The following ZC3H12C variants were observed in gnomAD, a reference collection of about 807,000 sequenced individuals.
The protein encoded by ZC3H12C is zinc finger CCCH-type containing 12C.
A neutral mutation model predicts 76.3 loss-of-function variants in ZC3H12C; 20 were observed. The ratio of observed to expected loss-of-function variants is 0.26; its 90% CI spans 0.18 to 0.38. The LOEUF is 0.38. Among genes scored for constraint, ZC3H12C ranks in the 10% least tolerant of loss-of-function variants. The pLI, the probability that ZC3H12C is intolerant of heterozygous loss-of-function variation, is 1.00. For synonymous variants in ZC3H12C, 352 were observed against 399.6 expected (o/e 0.88, Z 1.42); for missense variants, 874 against 1,086.5 (o/e 0.80, Z 2.75).
chr11:110,152,843 T>G, intron 2 of ZC3H12C, 76 bp from the exon 3 acceptor site: 1 of 1,500,132 alleles, frequency 6.7e-7, no homozygotes, highest in Non-Finnish European at 9.1e-7. Flanking sequence ...TGTAATACTT[T>G]CTGTTTATAA....
At chr11:110,124,947 G>C (rs1298502188) in intron 1 of ZC3H12C, among the ~76,000 whole-genome samples, 1 of 152,010 alleles carries the variant, frequency 6.6e-6, no homozygotes, top group African/African-American at 2.4e-5. Flanking sequence ...TTAGCCTAAG[G>C]GATGCTCATG....
chr11:110,119,551 G>A (rs1861616717), intron 1 of ZC3H12C, among the ~76,000 whole-genome samples: 1 of 152,138 alleles, frequency 6.6e-6, no homozygotes, highest in East Asian at 1.9e-4. Flanking sequence ...CCACCTTGCT[G>A]TTCCATGAGC....
chr11:110,165,762 TA>T lies in ZC3H12C; in HGVS notation c.*26del, dbSNP rs1862573563. The T allele has an allele frequency of 1.9e-6, 3 of 1,543,530 alleles. No homozygotes were observed. In the East Asian group the frequency reaches 7.2e-5, roughly 37 times the overall value. On this transcript the variant is annotated 3_prime_UTR_variant, in exon 6 of 6. Transcript: ENST00000278590. ...AAAGATGATGCATCTTTGTGGTGTT[TA>T]GTAGTTTTTTGTTCAGCTCAAATGC...
Position 110,124,255 on chromosome 11 carries a change from C to T in ZC3H12C, c.22-12408C>T, listed in dbSNP as rs142621933. On this transcript the variant is annotated intron_variant, in intron 1 of 5. Coordinates refer to ENST00000278590, the MANE Select transcript of ZC3H12C (RefSeq NM_033390.2). ...CAAGAACTTTGCCAATGGCCGAGGGCTCTGATAAACCCACCCTGTCACAGG... is the reference window on the plus strand; with the variant it reads ...CAAGAACTTTGCCAATGGCCGAGGGTTCTGATAAACCCACCCTGTCACAGG... The T allele has an allele frequency of 1.2e-3, 180 of 152,312 alleles. 1 individual carries two copies. The highest frequency in any genetic ancestry group is 4.3e-3 in the African/African-American group (177 of 41,568). 9.4% of individuals were successfully genotyped at this position (152,312 alleles called of 1,614,324 possible). A position where few individuals can be genotyped will look rare whatever the true frequency, so the allele number is the denominator to read the frequency against.
At chr11:110,151,289 C>G (rs966540871) in intron 2 of ZC3H12C, among the ~76,000 whole-genome samples, 1 of 152,062 alleles carries the variant, frequency 6.6e-6, no homozygotes, top group Non-Finnish European at 1.5e-5. Context: ...TGACAGTTAT[C>G]CTTACCAAAT....
chr11:110,100,703 C>T lies in ZC3H12C; in HGVS notation c.21+7271C>T, dbSNP rs1221164846. Among the ~76,000 whole-genome samples the T allele has an allele frequency of 3.3e-5, 5 of 152,110 alleles. No individual in the cohort carries two copies. The East Asian group carries it at 9.6e-4, about 29-fold the overall frequency. The stretch of plus-strand genomic sequence containing the variant: ...CAATAGAAGATGGTAAACAATCAAG[C>T]AGTGTTGTGTGTGTTCTGAGTGCTC... On this transcript the variant is annotated intron_variant, in intron 1 of 5. Coordinates refer to ENST00000278590, the MANE Select transcript of ZC3H12C (RefSeq NM_033390.2).
intron 2 of ZC3H12C, among the ~76,000 whole-genome samples, chr11:110,140,359 T>C (rs1862047251): frequency 6.6e-6 from 1 of 152,222 alleles, no homozygotes; most frequent in Non-Finnish European, 1.5e-5. Context: ...TAGTCCCCTT[T>C]GGTACCTAAA....
Position 110,164,444 on chromosome 11 carries a change from T to TA in ZC3H12C, c.1360dup (p.Thr454AsnfsTer20). On this transcript the variant is annotated frameshift_variant, in exon 6 of 6. Coordinates refer to ENST00000278590, the MANE Select transcript of ZC3H12C (RefSeq NM_033390.2). LOFTEE classifies it high-confidence loss of function. This position sits in a 1 kb window ranked among gnomAD's most constrained non-coding sequence, Gnocchi z 5.7. ...ATGAACTCCGTGCCATGTCTAGAAATACGGCAGCCAAAACTGCAAACGAAG... is the reference window on the plus strand; with the variant it reads ...ATGAACTCCGTGCCATGTCTAGAAATAACGGCAGCCAAAACTGCAAACGAAG... The TA allele has an allele frequency of 6.2e-7, 1 of 1,613,974 alleles. No individual in the cohort carries two copies. The highest frequency in any genetic ancestry group is 8.5e-7 in the Non-Finnish European group (1 of 1,179,886).
rs868759376 is a variant in ZC3H12C, at chr11:110,108,320, A to G, written c.21+14888A>G. Among the ~76,000 whole-genome samples the G allele has an allele frequency of 2.0e-5, 3 of 152,234 alleles. No individual in the cohort carries two copies. In the South Asian group the frequency reaches 6.2e-4, roughly 32 times the overall value. On this transcript the variant is annotated intron_variant, in intron 1 of 5. Coordinates refer to ENST00000278590, the MANE Select transcript of ZC3H12C (RefSeq NM_033390.2). ...ACCTGGCTCCTTAGATATCTTTGCA[A>G]GAGCACTGTTTGAAAGCTCCTGCTC...
chr11:110,110,055 T>C (rs989280085), intron 1 of ZC3H12C, among the ~76,000 whole-genome samples: 5 of 152,182 alleles, frequency 3.3e-5, no homozygotes, highest in African/African-American at 7.2e-5. Flanking sequence ...CACAGTAAAT[T>C]ATTACGTGAA....
intron 1 of ZC3H12C, among the ~76,000 whole-genome samples, chr11:110,117,788 T>C (rs1251306899): frequency 2.2e-5 from 3 of 135,048 alleles, no homozygotes; most frequent in African/African-American, 8.4e-5. Flanking sequence ...CACACACACA[T>C]ATATATATTA....
At chr11:110,138,605 T>A (rs954818308) in intron 2 of ZC3H12C, among the ~76,000 whole-genome samples, 1 of 151,956 alleles carries the variant, frequency 6.6e-6, no homozygotes, top group African/African-American at 2.4e-5. Context: ...TCACCCAGAC[T>A]GGAGTGCAGT....
At chr11:110,109,386 A>G (rs980713902) in intron 1 of ZC3H12C, among the ~76,000 whole-genome samples, 1 of 152,312 alleles carries the variant, frequency 6.6e-6, no homozygotes, top group East Asian at 1.9e-4. Context: ...ATTTATTGGC[A>G]TAAAGATTTA....
At chr11:110,110,897 G>C (rs966183812) in intron 1 of ZC3H12C, among the ~76,000 whole-genome samples, 1 of 152,206 alleles carries the variant, frequency 6.6e-6, no homozygotes, top group African/African-American at 2.4e-5. Context: ...ATAATTTAAA[G>C]TATGATTTTT....
intron 1 of ZC3H12C, among the ~76,000 whole-genome samples, chr11:110,134,235 G>A (rs1362703592): frequency 6.6e-6 from 1 of 151,978 alleles, no homozygotes; most frequent in African/African-American, 2.4e-5. Context: ...AGATTGGTTT[G>A]GCAGCTGCAT....
intron 2 of ZC3H12C, among the ~76,000 whole-genome samples, 163 bp downstream of exon 2, chr11:110,137,577 G>T (rs933062526): frequency 6.6e-6 from 1 of 152,050 alleles, no homozygotes; most frequent in African/African-American, 2.4e-5. Context: ...TCTTCTTTCA[G>T]GGCACTCAGC....
intron 2 of ZC3H12C, among the ~76,000 whole-genome samples, chr11:110,139,191 T>C (rs751222603): frequency 6.6e-6 from 1 of 152,250 alleles, no homozygotes; most frequent in Non-Finnish European, 1.5e-5. Context: ...GGAGGCAGTA[T>C]TATCTTTCTT....
chr11:110,095,203 G>A (rs972114605), intron 1 of ZC3H12C, among the ~76,000 whole-genome samples: 3 of 152,090 alleles, frequency 2.0e-5, no homozygotes, highest in African/African-American at 4.8e-5. Context: ...TATATTATGG[G>A]CTTCTCTGGA....
chr11:110,154,834 T>TTAAAAA (rs1862344807), intron 3 of ZC3H12C, among the ~76,000 whole-genome samples: 1 of 69,840 alleles, frequency 1.4e-5, no homozygotes, highest in African/African-American at 5.3e-5. Context: ...ACAGCTTGAT[T>TTAAAAA]AAAAAAAAAA....
Sources: allele counts gnomAD v4.1 joint callset (sites outside exome capture counted in the v4.1 genomes callset), GRCh38; gene constraint gnomAD v4.1.1; non-coding constraint Gnocchi (gnomAD v3.1); transcripts MANE v1.5; gene names NCBI Gene and HGNC (gene_info 2026-07-23, HGNC 2026-07-21).